MROH2A: variants seen among roughly 807,000 people sequenced by gnomAD.
The protein encoded by MROH2A is maestro heat like repeat family member 2A.
A neutral mutation model predicts 200.4 loss-of-function variants in MROH2A; 174 were observed. The observed-to-expected ratio is 0.87, with a 90% CI of 0.77 to 0.98. The LOEUF is 0.98. Among genes scored for constraint, MROH2A ranks in the 50% least tolerant of loss-of-function variants. The pLI, the probability that MROH2A is intolerant of heterozygous loss-of-function variation, is 0.00. For synonymous variants in MROH2A, 829 were observed against 840.4 expected (o/e 0.99, Z 0.23); for missense variants, 2,045 against 2,139.6 (o/e 0.96, Z 0.87).
At position 233,809,195 on chromosome 2, in the gene MROH2A, T is replaced by C; in HGVS notation, c.2365T>C (p.Tyr789His). The C allele has an allele frequency of 6.4e-7, 1 of 1,550,578 alleles. No individual in the cohort carries two copies. The highest frequency in any genetic ancestry group is 8.7e-7 in the Non-Finnish European group (1 of 1,146,966). Residue 789 changes from tyrosine to histidine, a missense_variant, in exon 22 of 42, where the codon TAC becomes CAC. Around this residue, in one of 3 missense-constraint regions of MROH2A, gnomAD observed 1,201 missense variants for 1,311.3 expected, o/e 0.92. Transcript: ENST00000389758. ...GGTGATGTATAGCTGCGTGGCCTCC[T>C]ACTGCCACCCCCAGTTGCTCCTCAA... ...LMVMYSCVAS[Y>H]CHPQLLLNLV...
chr2:233,787,578 CATATATACAT>C (rs1438643669), intron 3 of MROH2A, among the ~76,000 whole-genome samples: 1 of 46,168 alleles, frequency 2.2e-5, no homozygotes, highest in Admixed American at 4.0e-4. Flanking sequence ...TTATATATAT[CATATATACAT>C]ATATATATTA....
Position 233,820,097 on chromosome 2 carries a change from T to C in MROH2A, c.3512+41T>C. On this transcript the variant is annotated intron_variant, in intron 31 of 41. Coordinates refer to ENST00000389758, the MANE Select transcript of MROH2A (RefSeq NM_001394639.1). The surrounding 1 kb of genome is among the most constrained non-coding windows in gnomAD (Gnocchi z 4.1). ...GAGGTGGCCCCGGCCTCCTGTGCCA[T>C]TTGACCATGCCCAACTCACCACCCC... The C allele has an allele frequency of 1.4e-6, 2 of 1,469,814 alleles. No homozygotes were observed. Among genetic ancestry groups the C allele is most frequent in the African/African-American group, 1.4e-5 (1 of 70,992 alleles). The allele number at this position is 1,469,814 out of a possible 1,614,324, so 91.0% of individuals were successfully genotyped here.
intron 3 of MROH2A, among the ~76,000 whole-genome samples, chr2:233,780,888 C>G (rs1224574223): frequency 6.6e-6 from 1 of 152,188 alleles, no homozygotes; most frequent in Non-Finnish European, 1.5e-5. Context: ...CTATCCTCCC[C>G]TGCCCTTACC....
chr2:233,794,463 TG>T lies in MROH2A; in HGVS notation c.925del (p.Ala309ArgfsTer16). 2 of 1,550,074 alleles carry T rather than the reference TG, an allele frequency of 1.3e-6. No individual in the cohort carries two copies. The highest frequency in any genetic ancestry group is 1.7e-6 in the Non-Finnish European group (2 of 1,146,520). On this transcript the variant is annotated frameshift_variant, in exon 8 of 42. Coordinates refer to ENST00000389758, the MANE Select transcript of MROH2A (RefSeq NM_001394639.1). LOFTEE classifies it high-confidence loss of function. ...EQVYDYIPLL[L>X]AEYQGSLEVL... ...GTCTACGACTACATCCCCCTGCTGC[TG>T]GCGGAGTACCAGGGCAGTCTGGAGG...
chr2:233,807,709 C>T lies in MROH2A; in HGVS notation c.2173-24C>T. 10 of 1,550,612 alleles carry T rather than the reference C, an allele frequency of 6.4e-6. No homozygotes were observed. Among genetic ancestry groups the T allele is most frequent in the Non-Finnish European group, 6.1e-6 (7 of 1,147,000 alleles). ...CTGCCCACTGGCCCCTGCCCTCACCCTGGCTGGCTGGGTCTCCCTGCAGGG... is the reference window on the plus strand; with the variant it reads ...CTGCCCACTGGCCCCTGCCCTCACCTTGGCTGGCTGGGTCTCCCTGCAGGG... On this transcript the variant is annotated intron_variant, in intron 20 of 41. Coordinates refer to ENST00000389758, the MANE Select transcript of MROH2A (RefSeq NM_001394639.1). The surrounding 1 kb of genome is among the most constrained non-coding windows in gnomAD (Gnocchi z 4.3).
Position 233,832,271 on chromosome 2 carries a change from A to C in MROH2A, c.4829A>C (p.Asn1610Thr). ...NLSRIRIAAC[N>T]LAGIIMKQMS... ...TCAAGAATCAGAATCGCTGCTTGCAACTTGGCAGGTGAGCAGAGAGACGTC... is the reference window on the plus strand; with the variant it reads ...TCAAGAATCAGAATCGCTGCTTGCACCTTGGCAGGTGAGCAGAGAGACGTC... Residue 1610 changes from asparagine (N) to threonine (T), a missense_variant, in exon 40 of 42, where the codon AAC (asparagine) becomes ACC (threonine). This residue lies in a region of MROH2A where 1,201 missense variants were observed against 1,311.3 expected (regional missense o/e 0.92). Transcript: ENST00000389758. 1.3e-6 allele frequency: 2 copies of C among 1,550,700 alleles called. No homozygotes were observed.
intron 9 of MROH2A, 34 bp from the exon 10 acceptor site, chr2:233,795,933 A>C: frequency 2.6e-6 from 4 of 1,547,246 alleles, no homozygotes; most frequent in Non-Finnish European, 3.5e-6. Context: ...TGTCCCTGTG[A>C]TCTCCTCCAG....
chr2:233,792,772 T>C lies in MROH2A; in HGVS notation c.572-24T>C, dbSNP rs546325073. 2.1e-6 allele frequency: 3 copies of C among 1,459,896 alleles called. 1 individual carries two copies. Among genetic ancestry groups the C allele is most frequent in the African/African-American group, 1.4e-5 (1 of 70,970 alleles). The allele number at this position is 1,459,896 out of a possible 1,614,324, so 90.4% of individuals were successfully genotyped here. On this transcript the variant is annotated intron_variant, in intron 5 of 41. Coordinates refer to ENST00000389758, the MANE Select transcript of MROH2A (RefSeq NM_001394639.1). ...GCTCACCCCCAGCCCCAACTTCCTG[T>C]AATCATCCCTCACAACCTCACAGTG...
chr2:233,830,226 G>A (rs956974631), intron 38 of MROH2A, among the ~76,000 whole-genome samples: 1 of 152,212 alleles, frequency 6.6e-6, no homozygotes, highest in Admixed American at 6.5e-5. Context: ...TGGGGCAGGA[G>A]GAGAGGGAGA....
In MROH2A at chr2:233,820,021, C is replaced by T; in HGVS notation, c.3477C>T (p.Leu1159=). 1 of 1,543,478 alleles carries T rather than the reference C, an allele frequency of 6.5e-7. No homozygotes were observed. The highest frequency in any genetic ancestry group is 8.8e-7 in the Non-Finnish European group (1 of 1,142,116). ...LLAHHHQETI[L]TSLLRQPLPM... The stretch of plus-strand genomic sequence containing the variant: ...CGCACCACCACCAGGAGACCATCCT[C>T]ACATCGCTCCTGAGGCAGCCACTGC... Residue 1159 remains leucine (L), a synonymous_variant, in exon 31 of 42, where the codon CTC becomes CTT. Coordinates refer to ENST00000389758, the MANE Select transcript of MROH2A (RefSeq NM_001394639.1). This position sits in a 1 kb window ranked among gnomAD's most constrained non-coding sequence, Gnocchi z 4.1.
At chr2:233,795,799 A>G in intron 9 of MROH2A, 54 bp downstream of exon 9, 1 of 1,550,550 alleles carries the variant, frequency 6.4e-7, no homozygotes, top group African/African-American at 1.4e-5. Context: ...GATCAGCAGG[A>G]AGCTGGCGGC....
chr2:233,787,787 C>T lies in MROH2A; in HGVS notation c.277-1710C>T, dbSNP rs55676327. On this transcript the variant is annotated intron_variant, in intron 3 of 41. Transcript: ENST00000389758. Reference sequence around the variant, plus strand: ...ATATATACATATATATTATATATATCATATATAATATATATTATATATATT... The same window carrying T: ...ATATATACATATATATTATATATATTATATATAATATATATTATATATATT... 9.9e-3 allele frequency among the ~76,000 whole-genome samples: 31 copies of T among 3,126 alleles called. 2 individuals are homozygous for T. The highest frequency in any genetic ancestry group is 0.026 in the African/African-American group (15 of 578). The allele number at this position is 3,126 out of a possible 152,430, so 2.1% of individuals were successfully genotyped here.
Position 233,820,978 on chromosome 2 carries a change from G to A in MROH2A, c.3512+922G>A, listed in dbSNP as rs918468704. ...AGTGCTGGGTGGGGGTAAGGGGGAT[G>A]TGCGGTGCAGCCCTGGGTCAGGCTG... On this transcript the variant is annotated intron_variant, in intron 31 of 41. Transcript: ENST00000389758. This position sits in a 1 kb window ranked among gnomAD's most constrained non-coding sequence, Gnocchi z 4.1. 6.6e-6 allele frequency among the ~76,000 whole-genome samples: 1 copy of A among 152,206 alleles called. No homozygotes were observed. Among genetic ancestry groups the A allele is most frequent in the Non-Finnish European group, 1.5e-5 (1 of 68,040 alleles).
chr2:233,814,505 G>A, intron 25 of MROH2A, 77 bp from the exon 26 acceptor site: 1 of 1,018,764 alleles, frequency 9.8e-7, no homozygotes. Flanking sequence ...ACCCCTCCCT[G>A]GCATGAACTC....
rs1306076692 is a variant in MROH2A at position 233,820,308 on chromosome 2, C to T, written c.3512+252C>T. On this transcript the variant is annotated intron_variant, in intron 31 of 41. Transcript: ENST00000389758. This position sits in a 1 kb window ranked among gnomAD's most constrained non-coding sequence, Gnocchi z 4.1. ...CCCGTAGCTCCCCACATGCCCGGGA[C>T]AGTGTCTGTGGAGTTCATTCTCTCC... 6.6e-6 allele frequency among the ~76,000 whole-genome samples: 1 copy of T among 152,210 alleles called. No individual in the cohort carries two copies. Among genetic ancestry groups the T allele is most frequent in the Non-Finnish European group, 1.5e-5 (1 of 68,028 alleles).
In MROH2A at chr2:233,820,178, G is replaced by T. The variant is rs1009178985; in HGVS notation, c.3512+122G>T. On this transcript the variant is annotated intron_variant, in intron 31 of 41. Transcript: ENST00000389758. This position sits in a 1 kb window ranked among gnomAD's most constrained non-coding sequence, Gnocchi z 4.1. The stretch of plus-strand genomic sequence containing the variant: ...AGTACCCTGCCCCACCCTGAAGGAG[G>T]TCGAAGCCCTCTTCCTGTACCTCCT... 2.4e-6 allele frequency: 2 copies of T among 848,248 alleles called. No homozygotes were observed. The highest frequency in any genetic ancestry group is 3.3e-6 in the Non-Finnish European group (2 of 598,282). The allele number at this position is 848,248 out of a possible 1,614,324, so 52.5% of individuals were successfully genotyped here. A position where few individuals can be genotyped will look rare whatever the true frequency, so the allele number is the denominator to read the frequency against.
In MROH2A at chr2:233,828,799, G is replaced by A; in HGVS notation, c.4263+20G>A. 6.5e-7 allele frequency: 1 copy of A among 1,549,438 alleles called. No individual in the cohort carries two copies. Among genetic ancestry groups the A allele is most frequent in the Non-Finnish European group, 8.7e-7 (1 of 1,146,264 alleles). On this transcript the variant is annotated intron_variant, in intron 36 of 41. Transcript: ENST00000389758. The surrounding 1 kb of genome is among the most constrained non-coding windows in gnomAD (Gnocchi z 4.6). ...AAGAAGGTACTGTGCCTGGCCCTGG[G>A]CCCAGGTCCCGGGAGCTGAGGGTGC...
chr2:233,784,888 G>A (rs1384363159), intron 3 of MROH2A, among the ~76,000 whole-genome samples: 2 of 152,164 alleles, frequency 1.3e-5, no homozygotes, highest in Admixed American at 6.5e-5. Context: ...AGTGGCTCAT[G>A]CCACTTTGGG....
chr2:233,811,755 A>G (rs1703169560), intron 23 of MROH2A, 125 bp from the exon 24 acceptor site: 1 of 687,388 alleles, frequency 1.5e-6, no homozygotes, highest in Non-Finnish European at 2.6e-6. Context: ...GGCCCTAAAA[A>G]GAATGAAAGA....
Sources: gnomAD v4.1 joint callset for allele counts (sites outside exome capture counted in the v4.1 genomes callset) on GRCh38, gnomAD v4.1.1 for gene constraint, gnomAD v4.1.1 regional missense constraint, Gnocchi (gnomAD v3.1) non-coding constraint, MANE v1.5 for transcripts, NCBI Gene and HGNC (gene_info 2026-07-23, HGNC 2026-07-21) for gene names.